The following GRK5 variants were observed in gnomAD, a reference collection of about 807,000 sequenced individuals.
The protein encoded by GRK5 is g protein-coupled receptor kinase GRK5.
In GRK5, 40 loss-of-function variants were observed where a neutral mutation model predicts 78.4. The observed-to-expected ratio is 0.51, with a 90% CI of 0.40 to 0.66. The LOEUF (loss-of-function observed/expected upper bound fraction) is 0.66, where lower values mean the gene tolerates loss of function less well. Among genes scored for constraint, GRK5 ranks in the 30% least tolerant of loss-of-function variants. The probability of loss-of-function intolerance (pLI) is 0.00; values close to 1 mark genes in which losing one functional copy is unlikely to be tolerated. For synonymous variants in GRK5, 289 were observed against 296.8 expected (o/e 0.97, Z 0.27); for missense variants, 598 against 759.9 (o/e 0.79, Z 2.50).
chr10:119,442,537 C>T (rs1486609495), intron 11 of GRK5, among the ~76,000 whole-genome samples: 1 of 152,254 alleles, frequency 6.6e-6, no homozygotes, highest in Non-Finnish European at 1.5e-5. Flanking sequence ...GCCACCTTTC[C>T]TCAGTCTGCT....
chr10:119,297,358 C>T (rs988386570), intron 1 of GRK5, among the ~76,000 whole-genome samples: 6 of 152,188 alleles, frequency 3.9e-5, no homozygotes, highest in African/African-American at 1.4e-4. Context: ...TCATCACCAC[C>T]TCTGTTGTAT....
intron 1 of GRK5, among the ~76,000 whole-genome samples, chr10:119,287,882 A>AT (rs771955444): frequency 2.0e-5 from 3 of 152,204 alleles, no homozygotes; most frequent in Non-Finnish European, 4.4e-5. Context: ...GCCCAGGTAG[A>AT]CACAGCCAGG....
At chr10:119,436,114 T>C (rs372106447) in intron 8 of GRK5, among the ~76,000 whole-genome samples, 163 of 152,274 alleles carry the variant, frequency 1.1e-3, no homozygotes, top group African/African-American at 3.7e-3. Context: ...GGAGTACAAT[T>C]CAAGATGAGA....
At chr10:119,314,308 T>C (rs553469878) in intron 1 of GRK5, among the ~76,000 whole-genome samples, 144 of 152,350 alleles carry the variant, frequency 9.5e-4, no homozygotes, top group African/African-American at 3.4e-3. Context: ...GGCCTGGCTG[T>C]GCCCACATCA....
chr10:119,434,624 C>T lies in GRK5; in HGVS notation c.739-2027C>T, dbSNP rs1363131530. 3.3e-5 allele frequency among the ~76,000 whole-genome samples: 5 copies of T among 152,386 alleles called. No individual in the cohort carries two copies. The East Asian group carries it at 9.6e-4, about 29-fold the overall frequency. On this transcript the variant is annotated intron_variant, in intron 8 of 15. Coordinates refer to ENST00000392870, the MANE Select transcript of GRK5 (RefSeq NM_005308.3). Reference sequence around the variant, plus strand: ...GGGTTCCCACGGTCTTGGGCAGCTCCATCCCTGTGGCTTTGCAGGGTACCG... The same window carrying T: ...GGGTTCCCACGGTCTTGGGCAGCTCTATCCCTGTGGCTTTGCAGGGTACCG...
intron 1 of GRK5, among the ~76,000 whole-genome samples, chr10:119,293,431 TGAG>T (rs1249166326): frequency 6.6e-6 from 1 of 152,120 alleles, no homozygotes; most frequent in Non-Finnish European, 1.5e-5. Flanking sequence ...TGAATACAAT[TGAG>T]GAGCAGAGAT....
At chr10:119,438,321 A>G (rs1299839423) in intron 9 of GRK5, among the ~76,000 whole-genome samples, 1 of 152,196 alleles carries the variant, frequency 6.6e-6, no homozygotes, top group Non-Finnish European at 1.5e-5. Flanking sequence ...CCTGATGTGA[A>G]GAAATCCAAA....
At chr10:119,400,330 G>A (rs754385551) in intron 4 of GRK5, among the ~76,000 whole-genome samples, 1 of 152,248 alleles carries the variant, frequency 6.6e-6, no homozygotes, top group South Asian at 2.1e-4. Context: ...GGATGTGGAG[G>A]AGGAAGCTGG....
At chr10:119,208,394 G>A (rs1848425788) in intron 1 of GRK5, 1 of 180,044 alleles carries the variant, frequency 5.6e-6, no homozygotes, top group Non-Finnish European at 1.1e-5. Context: ...CAGAAGCCAA[G>A]TCTTTGCCTG....
Position 119,396,788 on chromosome 10 carries a change from A to C in GRK5, c.339+16A>C, listed in dbSNP as rs1852061977. ...CACCCCAAAGGTAAGGAGTCTTCCA[A>C]ACCCCACAGCAGGTGGCACAGGAGG... is the stretch of plus-strand genomic sequence containing the variant. On this transcript the variant is annotated intron_variant, in intron 4 of 15. Coordinates refer to ENST00000392870, the MANE Select transcript of GRK5 (RefSeq NM_005308.3). 1 of 1,602,368 alleles carries C rather than the reference A, an allele frequency of 6.2e-7. No homozygotes were observed. Among genetic ancestry groups the C allele is most frequent in the Non-Finnish European group, 8.6e-7 (1 of 1,169,304 alleles).
chr10:119,290,424 T>C (rs935404383), intron 1 of GRK5, among the ~76,000 whole-genome samples: 5 of 151,916 alleles, frequency 3.3e-5, no homozygotes, highest in African/African-American at 1.2e-4. Context: ...ACGGCTGTTA[T>C]TCTGGTTCAG....
chr10:119,455,024 T>C lies in GRK5; in HGVS notation c.1730T>C (p.Ile577Thr). 1 of 1,613,988 alleles carries C rather than the reference T, an allele frequency of 6.2e-7. No homozygotes were observed. The highest frequency in any genetic ancestry group is 8.5e-7 in the Non-Finnish European group (1 of 1,179,966). ...TCCAAGACCAGTTTTAACCACCACATAAACTCAAACCATGTCAGCTCGAAC... is the reference window on the plus strand; with the variant it reads ...TCCAAGACCAGTTTTAACCACCACACAAACTCAAACCATGTCAGCTCGAAC... Reference protein sequence around the residue: ...PSSKTSFNHHINSNHVSSNST... With the variant: ...PSSKTSFNHHTNSNHVSSNST... The change falls in exon 16 of 16, where the codon ATA becomes ACA. Residue 577 changes from isoleucine to threonine, a missense_variant. Physicochemically the swap from Ile to Thr is moderately conservative, Grantham distance 89. Coordinates refer to ENST00000392870, the MANE Select transcript of GRK5 (RefSeq NM_005308.3).
chr10:119,386,687 C>T (rs974278742), intron 3 of GRK5, among the ~76,000 whole-genome samples: 6 of 152,336 alleles, frequency 3.9e-5, no homozygotes, highest in East Asian at 3.9e-4. Context: ...ACTTTTTCAT[C>T]GCCCATCTTG....
intron 3 of GRK5, among the ~76,000 whole-genome samples, chr10:119,389,288 C>G (rs898220431): frequency 1.3e-5 from 2 of 152,252 alleles, no homozygotes; most frequent in African/African-American, 4.8e-5. Context: ...AAATGATCCA[C>G]TCTGCCTCAC....
chr10:119,233,942 G>C (rs1489205082), intron 1 of GRK5, among the ~76,000 whole-genome samples: 1 of 152,198 alleles, frequency 6.6e-6, no homozygotes, highest in Non-Finnish European at 1.5e-5. Context: ...AAGGTGTTAG[G>C]AACAATAGCT....
intron 2 of GRK5, among the ~76,000 whole-genome samples, chr10:119,376,129 G>T (rs1851616846): frequency 6.6e-6 from 1 of 152,226 alleles, no homozygotes; most frequent in Non-Finnish European, 1.5e-5. Context: ...CCTCCTGTGT[G>T]CATAAGTAGG....
chr10:119,456,974 A>G lies in GRK5; in HGVS notation c.*1907A>G, dbSNP rs1004831243. 1.3e-5 allele frequency: 2 copies of G among 152,146 alleles called. No individual in the cohort carries two copies. The highest frequency in any genetic ancestry group is 2.9e-5 in the Non-Finnish European group (2 of 68,026). The allele number at this position is 152,146 out of a possible 1,614,324, so 9.4% of individuals were successfully genotyped here. A position where few individuals can be genotyped will look rare whatever the true frequency, so the allele number is the denominator to read the frequency against. ...AGAAGAAATAGCTGGGCTTCCCTCA[A>G]ATCTTTTTAATGTGCAGTATTTTTT... On this transcript the variant is annotated 3_prime_UTR_variant, in exon 16 of 16. Coordinates refer to ENST00000392870, the MANE Select transcript of GRK5 (RefSeq NM_005308.3). The surrounding 1 kb of genome is among the most constrained non-coding windows in gnomAD (Gnocchi z 5.5).
intron 1 of GRK5, among the ~76,000 whole-genome samples, chr10:119,230,259 G>A (rs1048413471): frequency 6.6e-6 from 1 of 152,180 alleles, no homozygotes; most frequent in African/African-American, 2.4e-5. Context: ...GCCAAAGTGG[G>A]AGGATTACTT....
chr10:119,226,713 T>C (rs974936186), intron 1 of GRK5, among the ~76,000 whole-genome samples: 4 of 151,762 alleles, frequency 2.6e-5, no homozygotes, highest in African/African-American at 9.7e-5. Context: ...CCCGGCTTTT[T>C]TTTTTCTTTT....
Sources: allele counts gnomAD v4.1 joint callset (sites outside exome capture counted in the v4.1 genomes callset), GRCh38; gene constraint gnomAD v4.1.1; non-coding constraint Gnocchi (gnomAD v3.1); transcripts MANE v1.5; gene names NCBI Gene and HGNC (gene_info 2026-07-23, HGNC 2026-07-21).